Variants in MOXD1 observed in about 807,000 individuals in gnomAD.
MOXD1 encodes monooxygenase DBH like 1.
MOXD1 carries 62 observed loss-of-function variants against 66.6 expected under a neutral mutation model. The observed-to-expected ratio is 0.93, with a 90% confidence interval of 0.76 to 1.15. The LOEUF (loss-of-function observed/expected upper bound fraction) is 1.15. Among genes scored for constraint, MOXD1 ranks in the 50% most tolerant of loss-of-function variants. MOXD1 has a pLI of 0.00. For synonymous variants in MOXD1, 303 were observed against 281.9 expected, an observed-to-expected ratio of 1.07 and a Z score of -0.75; for missense variants, 847 against 754.6, an observed-to-expected ratio of 1.12 and a Z score of -1.44.
intron 10 of MOXD1, among the ~76,000 whole-genome samples, chr6:132,299,277 A>G (rs1774477172): frequency 7.0e-6 from 1 of 143,542 alleles, no homozygotes; most frequent in African/African-American, 3.0e-5. Flanking sequence ...ACTACTAGAG[A>G]GAGAGGGAGA....
At chr6:132,356,968 T>C (rs1388549873) in intron 4 of MOXD1, among the ~76,000 whole-genome samples, 2 of 152,052 alleles carry the variant, frequency 1.3e-5, no homozygotes, top group Non-Finnish European at 2.9e-5. Flanking sequence ...TTTTACTTAT[T>C]ATGAGAAGTA....
At chr6:132,311,946 A>G (rs1371760615) in intron 10 of MOXD1, among the ~76,000 whole-genome samples, 1 of 152,090 alleles carries the variant, frequency 6.6e-6, no homozygotes, top group Non-Finnish European at 1.5e-5. Flanking sequence ...TTCTGCAAAG[A>G]GGAAGAGAAA....
chr6:132,401,133 C>G, intron 1 of MOXD1, 30 bp downstream of exon 1: 1 of 1,469,988 alleles, frequency 6.8e-7, no homozygotes, highest in East Asian at 2.6e-5. Flanking sequence ...CGGGCTCGGC[C>G]GGGCGGGCTC....
chr6:132,399,494 C>T (rs945706922), intron 1 of MOXD1, among the ~76,000 whole-genome samples: 1 of 152,148 alleles, frequency 6.6e-6, no homozygotes, highest in African/African-American at 2.4e-5. Flanking sequence ...CTATGAAGAA[C>T]CACAAACAGG....
At chr6:132,388,314 C>T (rs1204065762) in intron 1 of MOXD1, among the ~76,000 whole-genome samples, 4 of 151,440 alleles carry the variant, frequency 2.6e-5, no homozygotes, top group Non-Finnish European at 5.9e-5. Flanking sequence ...GAAACTGTCA[C>T]TTAGGTTAAG....
chr6:132,300,489 A>G (rs1457955571), intron 10 of MOXD1, among the ~76,000 whole-genome samples: 1 of 152,222 alleles, frequency 6.6e-6, no homozygotes, highest in Non-Finnish European at 1.5e-5. Flanking sequence ...TGCTAGGGGA[A>G]AATCATCAGT....
intron 1 of MOXD1, chr6:132,390,787 G>GT (rs1776744901): frequency 6.6e-6 from 1 of 151,406 alleles, no homozygotes; most frequent in Non-Finnish European, 1.5e-5. Context: ...AGAACACACT[G>GT]TAAGGACTTA....
chr6:132,373,404 A>G (rs1049671506), intron 2 of MOXD1, among the ~76,000 whole-genome samples: 1 of 152,250 alleles, frequency 6.6e-6, no homozygotes, highest in Non-Finnish European at 1.5e-5. Context: ...GGAAGATTTT[A>G]GGGAAAAATT....
chr6:132,324,204 T>C, intron 6 of MOXD1, 107 bp from the exon 7 acceptor site: 4 of 1,124,058 alleles, frequency 3.6e-6, no homozygotes, highest in Non-Finnish European at 5.2e-6. Context: ...TCTGTTGAAA[T>C]AGGTTTATTT....
intron 9 of MOXD1, among the ~76,000 whole-genome samples, chr6:132,316,778 T>G (rs1232676926): frequency 6.6e-6 from 1 of 152,126 alleles, no homozygotes; most frequent in South Asian, 2.1e-4. Context: ...GTTCTAGCAT[T>G]TATGTCTAAC....
chr6:132,299,024 G>A (rs1335957815), intron 10 of MOXD1, among the ~76,000 whole-genome samples: 4 of 152,046 alleles, frequency 2.6e-5, no homozygotes, highest in East Asian at 3.9e-4. Context: ...AATCAACCAA[G>A]GTGTCCATCA....
At chr6:132,303,534 G>C (rs1412634670) in intron 10 of MOXD1, among the ~76,000 whole-genome samples, 4 of 151,842 alleles carry the variant, frequency 2.6e-5, no homozygotes, top group African/African-American at 9.7e-5. Context: ...CAATGTAAGT[G>C]CTATGTAGAT....
At chr6:132,315,614 T>A in intron 10 of MOXD1, 21 bp downstream of exon 10, 1 of 1,596,752 alleles carries the variant, frequency 6.3e-7, no homozygotes, top group Non-Finnish European at 8.5e-7. Flanking sequence ...TACCCCATCA[T>A]AAAATACATT....
intron 10 of MOXD1, among the ~76,000 whole-genome samples, chr6:132,306,935 T>G (rs923842494): frequency 1.3e-5 from 2 of 152,186 alleles, no homozygotes; most frequent in African/African-American, 4.8e-5. Flanking sequence ...CCAATGACAC[T>G]ATGAAGAAAC....
chr6:132,300,949 C>G (rs926972490), intron 10 of MOXD1, among the ~76,000 whole-genome samples: 1 of 152,098 alleles, frequency 6.6e-6, no homozygotes. Flanking sequence ...CTAGCCTATC[C>G]TACACACTTC....
intron 9 of MOXD1, among the ~76,000 whole-genome samples, chr6:132,317,406 T>C (rs535883876): frequency 6.6e-6 from 1 of 152,266 alleles, no homozygotes; most frequent in Admixed American, 6.5e-5. Context: ...TATCCTTAAG[T>C]TAGGATGGCT....
chr6:132,379,047 A>C (rs1776456683), intron 1 of MOXD1, among the ~76,000 whole-genome samples: 1 of 151,296 alleles, frequency 6.6e-6, no homozygotes, highest in Non-Finnish European at 1.5e-5. Context: ...TTACTTTGTT[A>C]CCAAAATTAA....
intron 1 of MOXD1, among the ~76,000 whole-genome samples, chr6:132,375,244 G>A (rs1158730162): frequency 6.6e-6 from 1 of 152,108 alleles, no homozygotes; most frequent in Non-Finnish European, 1.5e-5. Flanking sequence ...GAGATCCGTG[G>A]GCAAGTGCGG....
intron 4 of MOXD1, among the ~76,000 whole-genome samples, chr6:132,329,495 G>C (rs1349722157): frequency 6.6e-6 from 1 of 151,990 alleles, no homozygotes; most frequent in African/African-American, 2.4e-5. Context: ...AAGGCTGTGG[G>C]CACAAACGCT....
Sources: allele counts gnomAD v4.1 joint callset (sites outside exome capture counted in the v4.1 genomes callset), GRCh38; gene constraint gnomAD v4.1.1; transcripts MANE v1.5; gene names NCBI Gene and HGNC (gene_info 2026-07-23, HGNC 2026-07-21).